The following GRIK1 variants were observed in gnomAD, a reference collection of about 807,000 sequenced individuals.
GRIK1 encodes the protein glutamate receptor ionotropic, kainate 1.
In GRIK1, 69 loss-of-function variants were observed where a neutral mutation model predicts 105.7. The observed-to-expected ratio is 0.65, with a 90% confidence interval of 0.54 to 0.80. The LOEUF (loss-of-function observed/expected upper bound fraction) is 0.80. Among genes scored for constraint, GRIK1 ranks in the 30% least tolerant of loss-of-function variants. GRIK1 has a pLI of 0.00. For synonymous variants in GRIK1, 438 were observed against 431.3 expected (o/e 1.02, Z -0.19); for missense variants, 1,109 against 1,167.3 (o/e 0.95, Z 0.73).
At chr21:29,625,782 T>C (rs956835593) in intron 7 of GRIK1, among the ~76,000 whole-genome samples, 2 of 152,182 alleles carry the variant, frequency 1.3e-5, no homozygotes, top group African/African-American at 4.8e-5. Flanking sequence ...TTCCAGCACA[T>C]AGTATATCTT....
chr21:29,587,139 T>C (rs2091146383), intron 12 of GRIK1, among the ~76,000 whole-genome samples: 2 of 152,192 alleles, frequency 1.3e-5, no homozygotes, highest in South Asian at 4.1e-4. Context: ...AGGGATAAAG[T>C]TAAACTAATA....
intron 7 of GRIK1, among the ~76,000 whole-genome samples, chr21:29,602,107 T>G (rs2146333857): frequency 6.6e-6 from 1 of 152,304 alleles, no homozygotes; most frequent in Non-Finnish European, 1.5e-5. Flanking sequence ...TTGAGTCATT[T>G]TGTCCCTTTT....
chr21:29,917,793 TTATA>T (rs2146314149), intron 1 of GRIK1, among the ~76,000 whole-genome samples: 1 of 152,172 alleles, frequency 6.6e-6, no homozygotes, highest in Non-Finnish European at 1.5e-5. Context: ...GTATTTCATC[TTATA>T]TATGTGATTT....
intron 3 of GRIK1, among the ~76,000 whole-genome samples, chr21:29,680,987 G>T (rs1191840578): frequency 2.0e-5 from 3 of 152,116 alleles, no homozygotes; most frequent in African/African-American, 7.2e-5. Context: ...ACAAAAATTA[G>T]CCGGGCGTGG....
At chr21:29,619,106 A>G (rs140984742) in intron 7 of GRIK1, among the ~76,000 whole-genome samples, 2,723 of 142,962 alleles carry the variant, frequency 0.019, 37 homozygotes, top group South Asian at 0.035. Flanking sequence ...AGCCTGGGCA[A>G]CAGAGCGAGA....
intron 1 of GRIK1, among the ~76,000 whole-genome samples, chr21:29,765,720 A>T (rs1452789925): frequency 4.6e-5 from 7 of 152,142 alleles, no homozygotes. Context: ...TCCCTCTGAC[A>T]AATACAGCAA....
At chr21:29,766,811 A>G (rs1222808043) in intron 1 of GRIK1, among the ~76,000 whole-genome samples, 1 of 151,738 alleles carries the variant, frequency 6.6e-6, no homozygotes, top group African/African-American at 2.4e-5. Context: ...GTCTCTTTGA[A>G]ATGGCTTCCC....
At position 29,939,529 on chromosome 21, in the gene GRIK1, T is replaced by A. The variant is rs750733845; in HGVS notation, c.-29A>T. 7.0e-6 allele frequency: 10 copies of A among 1,423,802 alleles called. No homozygotes were observed. Among genetic ancestry groups the A allele is most frequent in the South Asian group, 1.3e-5 (1 of 79,330 alleles). The allele number at this position is 1,423,802 out of a possible 1,614,324, so 88.2% of individuals were successfully genotyped here. On this transcript the variant is annotated 5_prime_UTR_variant, in exon 1 of 18. Transcript: ENST00000327783. ...CCTAGCTTCTTAATTCATGCCGAGA[T>A]ACAGCCGCTGCCGGACGCCCGAGAG... is the stretch of plus-strand genomic sequence containing the variant.
At chr21:29,694,117 A>ATT (rs11434895) in intron 1 of GRIK1, 54 bp from the exon 2 acceptor site, 80,234 of 420,406 alleles carry the variant, frequency 0.19, 4,558 homozygotes, top group Non-Finnish European at 0.21. Flanking sequence ...TTCACATGTA[A>ATT]TTTTTTTTTT....
Position 29,537,995 on chromosome 21 carries a change from G to A in GRIK1, c.2608-111C>T, listed in dbSNP as rs187018059. 6.5e-4 allele frequency: 405 copies of A among 625,730 alleles called. No individual in the cohort carries two copies. The African/African-American group carries it at 6.9e-3, about 11-fold the overall frequency. 38.8% of individuals were successfully genotyped at this position (625,730 alleles called of 1,614,324 possible). ...CTGTGGTCGAAATGAAAAATAATGT[G>A]GTACTGAACTTCACAGCAAAAACGA... On this transcript the variant is annotated intron_variant, in intron 16 of 17. Transcript: ENST00000327783.
chr21:29,585,523 C>G (rs910998997), intron 12 of GRIK1, among the ~76,000 whole-genome samples: 2 of 152,126 alleles, frequency 1.3e-5, no homozygotes, highest in Non-Finnish European at 2.9e-5. Context: ...CTTGCCTGTT[C>G]TACTCATCAA....
At chr21:29,917,906 TTAAAAAA>T (rs2071053576) in intron 1 of GRIK1, among the ~76,000 whole-genome samples, 1 of 152,066 alleles carries the variant, frequency 6.6e-6, no homozygotes, top group Non-Finnish European at 1.5e-5. Context: ...CTAATTTCTG[TTAAAAAA>T]TAAAATATAT....
chr21:29,575,037 CT>C (rs375160937), intron 14 of GRIK1, among the ~76,000 whole-genome samples: 2 of 152,176 alleles, frequency 1.3e-5, no homozygotes, highest in African/African-American at 4.8e-5. Context: ...GTTTAAAAAT[CT>C]TTTTTAACAC....
chr21:29,655,412 A>C lies in GRIK1; in HGVS notation c.727-549T>G, dbSNP rs1302237636. 2.0e-5 allele frequency among the ~76,000 whole-genome samples: 3 copies of C among 152,140 alleles called. No homozygotes were observed. In the East Asian group the frequency reaches 5.8e-4, roughly 29 times the overall value. ...AACAAGAGGGAAACTCCGTCTCAAA[A>C]AAAAAAAAATAGTTTGTACTAAACA... On this transcript the variant is annotated intron_variant, in intron 4 of 17. Transcript: ENST00000327783.
intron 1 of GRIK1, among the ~76,000 whole-genome samples, chr21:29,782,250 C>T (rs1167992217): frequency 1.3e-5 from 2 of 151,636 alleles, no homozygotes; most frequent in African/African-American, 4.9e-5. Flanking sequence ...CCAAGCCTGG[C>T]TAATTTTTTG....
chr21:29,576,599 G>A (rs1215855102), intron 14 of GRIK1, among the ~76,000 whole-genome samples: 1 of 152,034 alleles, frequency 6.6e-6, no homozygotes, highest in Admixed American at 6.6e-5. Flanking sequence ...CTTGATTAAG[G>A]AACCTTTATT....
chr21:29,756,717 C>A (rs1158188201), intron 1 of GRIK1, among the ~76,000 whole-genome samples: 1 of 151,894 alleles, frequency 6.6e-6, no homozygotes, highest in East Asian at 1.9e-4. Flanking sequence ...ACAAAAAAAA[C>A]TAGAAATGAT....
chr21:29,863,550 AGTT>A lies in GRIK1; in HGVS notation c.118+75830_118+75832del, dbSNP rs138321084. Among the ~76,000 whole-genome samples, 592 of 152,322 alleles carry A rather than the reference AGTT, an allele frequency of 3.9e-3. 3 individuals carry two copies. The highest frequency in any genetic ancestry group is 0.012 in the African/African-American group (515 of 41,578). On this transcript the variant is annotated intron_variant, in intron 1 of 17. Coordinates refer to ENST00000327783, the MANE Select transcript of GRIK1 (RefSeq NM_001330994.2). ...CACTTTAAAAAATTATGTTCACACT[AGTT>A]GTCCTGGTTTTCTTCTTCTTTTGAC...
intron 1 of GRIK1, among the ~76,000 whole-genome samples, chr21:29,817,575 G>T (rs1468537067): frequency 6.6e-6 from 1 of 152,030 alleles, no homozygotes; most frequent in Non-Finnish European, 1.5e-5. Flanking sequence ...AGACACCTGA[G>T]TCATCTTGGT....
Sources: allele counts gnomAD v4.1 joint callset (sites outside exome capture counted in the v4.1 genomes callset), GRCh38; gene constraint gnomAD v4.1.1; transcripts MANE v1.5; gene names NCBI Gene and HGNC (gene_info 2026-07-23, HGNC 2026-07-21).